CPB2: variants seen among roughly 807,000 people sequenced by gnomAD.
CPB2 encodes carboxypeptidase B2, also known as carboxypeptidase B-like protein.
A neutral mutation model predicts 57.0 loss-of-function variants in CPB2; 54 were observed. The ratio of observed to expected loss-of-function variants is 0.95; its 90% CI spans 0.76 to 1.19. The LOEUF (loss-of-function observed/expected upper bound fraction) is 1.19, where lower values mean the gene tolerates loss of function less well. CPB2 is among the 50% of genes most tolerant of loss of function. The pLI, the probability that CPB2 is intolerant of heterozygous loss-of-function variation, is 0.00. For missense variants in CPB2, 426 were observed against 512.0 expected (o/e 0.83, Z 1.62); for synonymous variants, 189 against 178.1 (o/e 1.06, Z -0.49).
At position 46,082,548 on chromosome 13, in the gene CPB2, C is replaced by T. The variant is rs2139393247; in HGVS notation, c.277G>A (p.Val93Ile). Residue 93 changes from valine (V) to isoleucine (I), a missense_variant and splice_region_variant, in exon 4 of 11, where the codon GTC becomes ATC. Coordinates refer to ENST00000181383, the MANE Select transcript of CPB2 (RefSeq NM_001872.5). ...AGATCTTCCACATCTGCCAGCAAGA[C>T]ACTAGGTGATGAAACAGAGAGTGAG... ...HLNVSGIPCS[V>I]LLADVEDLIQ... The T allele has an allele frequency of 6.2e-7, 1 of 1,604,684 alleles. No individual in the cohort carries two copies. The highest frequency in any genetic ancestry group is 8.5e-7 in the Non-Finnish European group (1 of 1,171,750).
intron 10 of CPB2, 126 bp downstream of exon 10, chr13:46,055,636 T>A (rs1225509400): frequency 8.5e-6 from 4 of 473,162 alleles, no homozygotes; most frequent in African/African-American, 2.0e-5. Flanking sequence ...TCCTAATTAT[T>A]ACAATTCAGT....
At chr13:46,065,355 G>A (rs1023205645) in intron 7 of CPB2, among the ~76,000 whole-genome samples, 7 of 152,104 alleles carry the variant, frequency 4.6e-5, no homozygotes, top group Non-Finnish European at 7.4e-5. Flanking sequence ...GGCCGGGCGC[G>A]GTGGCTCACG....
chr13:46,057,677 T>A (rs980676873), intron 9 of CPB2, among the ~76,000 whole-genome samples: 1 of 152,238 alleles, frequency 6.6e-6, no homozygotes, highest in Non-Finnish European at 1.5e-5. Flanking sequence ...AAAAACAGAC[T>A]CTCTCCTCAA....
chr13:46,105,010 C>T lies in CPB2; in HGVS notation c.-1G>A, dbSNP rs753803021. ...GGACTGCAAGGCTGCAAAGCTTCATCCCAACAGCAATTTTCTGTACAACAA... is the reference window on the plus strand; with the variant it reads ...GGACTGCAAGGCTGCAAAGCTTCATTCCAACAGCAATTTTCTGTACAACAA... On this transcript the variant is annotated 5_prime_UTR_variant, in exon 1 of 11. Coordinates refer to ENST00000181383, the MANE Select transcript of CPB2 (RefSeq NM_001872.5). The T allele has an allele frequency of 1.9e-6, 3 of 1,613,914 alleles. No homozygotes were observed. In the East Asian group the frequency reaches 6.7e-5, roughly 36 times the overall value.
intron 3 of CPB2, among the ~76,000 whole-genome samples, chr13:46,083,303 TA>T: frequency 1.3e-5 from 2 of 152,372 alleles, no homozygotes; most frequent in Non-Finnish European, 2.9e-5. Flanking sequence ...TAAGTAAGGA[TA>T]TTTTTTCATC....
At chr13:46,067,447 G>T in intron 6 of CPB2, 30 bp from the exon 7 acceptor site, 1 of 1,060,820 alleles carries the variant, frequency 9.4e-7, no homozygotes, top group South Asian at 1.3e-5. Context: ...TATTTAATTA[G>T]ATGTTTTAAG....
intron 1 of CPB2, among the ~76,000 whole-genome samples, 190 bp from the exon 2 acceptor site, chr13:46,088,010 A>G (rs1285558039): frequency 6.6e-6 from 1 of 152,216 alleles, no homozygotes; most frequent in Non-Finnish European, 1.5e-5. Flanking sequence ...CTCCTAAGCA[A>G]TTGCAAAATC....
At chr13:46,069,468 C>A (rs2139368176) in intron 6 of CPB2, among the ~76,000 whole-genome samples, 1 of 152,232 alleles carries the variant, frequency 6.6e-6, no homozygotes, top group East Asian at 1.9e-4. Flanking sequence ...AATCCCCATG[C>A]CTATGCCCAT....
chr13:46,056,514 T>C (rs1460693949), intron 9 of CPB2, among the ~76,000 whole-genome samples: 1 of 152,232 alleles, frequency 6.6e-6, no homozygotes, highest in Non-Finnish European at 1.5e-5. Context: ...GTCACCTTCT[T>C]GAAAAACTCA....
At position 46,063,791 on chromosome 13, in the gene CPB2, G is replaced by A. The variant is rs766372432; in HGVS notation, c.796+857C>T. Among the ~76,000 whole-genome samples, 9 of 152,104 alleles carry A rather than the reference G, an allele frequency of 5.9e-5. No homozygotes were observed. The East Asian group carries it at 9.6e-4, about 16-fold the overall frequency. On this transcript the variant is annotated intron_variant, in intron 8 of 10. Transcript: ENST00000181383. Reference sequence around the variant, plus strand: ...CTTGAATGCATAACTCAACATCATCGAATGCCTTAACTCATTCGAATTAAG... The same window carrying A: ...CTTGAATGCATAACTCAACATCATCAAATGCCTTAACTCATTCGAATTAAG...
chr13:46,091,848 A>G (rs2045297450), intron 1 of CPB2, among the ~76,000 whole-genome samples: 1 of 152,246 alleles, frequency 6.6e-6, no homozygotes, highest in Admixed American at 6.5e-5. Flanking sequence ...TCATTTCTGC[A>G]GCTCTCCATC....
intron 1 of CPB2, among the ~76,000 whole-genome samples, chr13:46,092,009 G>T (rs1052393680): frequency 1.3e-5 from 2 of 152,100 alleles, no homozygotes; most frequent in Non-Finnish European, 2.9e-5. Flanking sequence ...TAAGCATGTT[G>T]GTGGCATTTG....
intron 6 of CPB2, among the ~76,000 whole-genome samples, chr13:46,068,466 T>C (rs185651449): frequency 1.3e-5 from 2 of 152,320 alleles, no homozygotes; most frequent in African/African-American, 4.8e-5. Flanking sequence ...TAAAATCTAC[T>C]GTAGGTCAGA....
At chr13:46,104,063 T>C (rs2045466508) in intron 1 of CPB2, among the ~76,000 whole-genome samples, 1 of 152,250 alleles carries the variant, frequency 6.6e-6, no homozygotes. Context: ...AGATCTATTT[T>C]CCAAACCATT....
chr13:46,055,837 T>C lies in CPB2; in HGVS notation c.1012A>G (p.Ser338Gly). ...KDHEELSLVA[S>G]EAVRAIEKIS... Reference sequence around the variant, plus strand: ...TTCTCAATAGCACGAACTGCTTCACTGGCTACTAGAGACTGGAAGCAACAA... The same window carrying C: ...TTCTCAATAGCACGAACTGCTTCACCGGCTACTAGAGACTGGAAGCAACAA... Residue 338 changes from serine to glycine, a missense_variant, in exon 10 of 11, where the codon AGT becomes GGT. Transcript: ENST00000181383. 1.3e-6 allele frequency: 2 copies of C among 1,592,732 alleles called. No individual in the cohort carries two copies. Among genetic ancestry groups the C allele is most frequent in the South Asian group, 2.2e-5 (2 of 89,272 alleles).
intron 1 of CPB2, chr13:46,101,044 A>G (rs1056749344): frequency 1.3e-5 from 2 of 152,192 alleles, no homozygotes; most frequent in African/African-American, 2.4e-5. Context: ...TCGTAACTTG[A>G]GTCGCTACAT....
In CPB2 at chr13:46,082,429, G is replaced by A. The variant is rs763744837; in HGVS notation, c.384+12C>T. On this transcript the variant is annotated intron_variant, in intron 4 of 10. Transcript: ENST00000181383. ...GAAAATAGTAGCTTTGAAGAGCTGTGTGATGGCTTACTTCATTTAGTGAGT... is the reference window on the plus strand; with the variant it reads ...GAAAATAGTAGCTTTGAAGAGCTGTATGATGGCTTACTTCATTTAGTGAGT... 1 of 1,492,708 alleles carries A rather than the reference G, an allele frequency of 6.7e-7. No homozygotes were observed. The allele number at this position is 1,492,708 out of a possible 1,614,324, so 92.5% of individuals were successfully genotyped here.
At chr13:46,058,907 C>T (rs187992926) in intron 8 of CPB2, among the ~76,000 whole-genome samples, 1 of 152,322 alleles carries the variant, frequency 6.6e-6, no homozygotes, top group East Asian at 1.9e-4. Flanking sequence ...AACGTTCATT[C>T]ATTCCTTTGA....
intron 9 of CPB2, among the ~76,000 whole-genome samples, chr13:46,057,486 C>T (rs1005059343): frequency 6.6e-6 from 1 of 152,178 alleles, no homozygotes; most frequent in African/African-American, 2.4e-5. Flanking sequence ...TGATGTAACA[C>T]TTCCACTGTC....
Sources: allele counts gnomAD v4.1 joint callset (sites outside exome capture counted in the v4.1 genomes callset), GRCh38; gene constraint gnomAD v4.1.1; transcripts MANE v1.5; gene names NCBI Gene and HGNC (gene_info 2026-07-23, HGNC 2026-07-21).